The following LRMDA variants were observed in gnomAD, a reference collection of about 807,000 sequenced individuals.
The protein encoded by LRMDA is leucine rich melanocyte differentiation associated.
LRMDA carries 18 observed loss-of-function variants against 29.8 expected under a neutral mutation model. The observed-to-expected ratio is 0.60, with a 90% CI of 0.42 to 0.90. The LOEUF is 0.90. Among genes scored for constraint, LRMDA ranks in the 40% least tolerant of loss-of-function variants. The pLI, the probability that LRMDA is intolerant of heterozygous loss-of-function variation, is 0.00. For missense variants in LRMDA, 273 were observed against 273.9 expected (o/e 1.00, Z 0.02); for synonymous variants, 125 against 109.4 (o/e 1.14, Z -0.89).
chr10:76,176,246 A>G (rs1850931829), intron 5 of LRMDA, among the ~76,000 whole-genome samples: 1 of 152,200 alleles, frequency 6.6e-6, no homozygotes, highest in Non-Finnish European at 1.5e-5. Context: ...CCAGCTTGGC[A>G]TCCGGCGTCT....
chr10:76,113,921 G>A (rs1309571885), intron 5 of LRMDA, among the ~76,000 whole-genome samples: 1 of 152,196 alleles, frequency 6.6e-6, no homozygotes, highest in Non-Finnish European at 1.5e-5. Context: ...GATCGAGGTT[G>A]GTTTGCAGCA....
At chr10:76,073,535 G>A (rs1188741474) in intron 5 of LRMDA, among the ~76,000 whole-genome samples, 1 of 152,062 alleles carries the variant, frequency 6.6e-6, no homozygotes, top group Non-Finnish European at 1.5e-5. Context: ...ATAAAATACT[G>A]CTAGTTGTAT....
At chr10:76,053,038 C>T (rs578049548) in intron 4 of LRMDA, among the ~76,000 whole-genome samples, 8 of 152,256 alleles carry the variant, frequency 5.3e-5, no homozygotes, top group African/African-American at 1.9e-4. Flanking sequence ...GGGGTTTCTG[C>T]CATAAAGTGG....
intron 5 of LRMDA, among the ~76,000 whole-genome samples, chr10:76,207,972 A>G (rs1044703795): frequency 1.3e-5 from 2 of 152,056 alleles, no homozygotes; most frequent in Admixed American, 1.3e-4. Context: ...TCAAAAAAAA[A>G]AGTATGTCCA....
At chr10:75,954,606 C>A (rs1464608654) in intron 2 of LRMDA, among the ~76,000 whole-genome samples, 4 of 152,204 alleles carry the variant, frequency 2.6e-5, no homozygotes, top group Non-Finnish European at 4.4e-5. Context: ...TGGCTCCTCT[C>A]AACTGTAACC....
At chr10:75,530,248 C>T (rs1845461255) in intron 2 of LRMDA, among the ~76,000 whole-genome samples, 1 of 151,098 alleles carries the variant, frequency 6.6e-6, no homozygotes, top group African/African-American at 2.4e-5. Flanking sequence ...CAAATTTCTA[C>T]AGTGATCATA....
chr10:76,324,337 A>C, intron 5 of LRMDA, 64 bp from the exon 6 acceptor site: 1 of 1,376,558 alleles, frequency 7.3e-7, no homozygotes, highest in Non-Finnish European at 1.0e-6. Flanking sequence ...AGGTCTGGTA[A>C]ATGAGGGTAT....
chr10:76,199,303 T>G (rs927295175), intron 5 of LRMDA, among the ~76,000 whole-genome samples: 1 of 152,182 alleles, frequency 6.6e-6, no homozygotes, highest in Non-Finnish European at 1.5e-5. Flanking sequence ...GTTTCTTGAG[T>G]GATACCATGG....
At chr10:76,487,021 C>T (rs1213382444) in intron 6 of LRMDA, among the ~76,000 whole-genome samples, 1 of 152,028 alleles carries the variant, frequency 6.6e-6, no homozygotes, top group East Asian at 2.0e-4. Context: ...AGATTAAGGG[C>T]AATCTACTCT....
At chr10:76,208,366 AT>A (rs2132242062) in intron 5 of LRMDA, among the ~76,000 whole-genome samples, 1 of 152,330 alleles carries the variant, frequency 6.6e-6, no homozygotes, top group Admixed American at 6.5e-5. Context: ...ACTCTGCTCC[AT>A]TTTAAAGAAA....
At chr10:75,893,295 G>A (rs762224158) in intron 2 of LRMDA, among the ~76,000 whole-genome samples, 1 of 152,092 alleles carries the variant, frequency 6.6e-6, no homozygotes, top group Non-Finnish European at 1.5e-5. Flanking sequence ...ATCTCCATCT[G>A]CCCTGAAATT....
At chr10:75,736,781 T>G (rs928966837) in intron 2 of LRMDA, among the ~76,000 whole-genome samples, 1 of 152,200 alleles carries the variant, frequency 6.6e-6, no homozygotes, top group Non-Finnish European at 1.5e-5. Context: ...ATTTATATTC[T>G]TGATAGGATT....
At chr10:75,510,761 T>C (rs1342259950) in intron 2 of LRMDA, among the ~76,000 whole-genome samples, 1 of 151,942 alleles carries the variant, frequency 6.6e-6, no homozygotes, top group East Asian at 1.9e-4. Context: ...GTGTTGGCCA[T>C]GGAGGCAGAA....
intron 2 of LRMDA, among the ~76,000 whole-genome samples, chr10:75,946,269 G>A (rs982466062): frequency 6.6e-6 from 1 of 152,168 alleles, no homozygotes; most frequent in Non-Finnish European, 1.5e-5. Flanking sequence ...TTATGTTTAA[G>A]GTTACCAATT....
At chr10:76,468,493 C>A (rs1019227893) in intron 6 of LRMDA, among the ~76,000 whole-genome samples, 1 of 152,082 alleles carries the variant, frequency 6.6e-6, no homozygotes, top group Non-Finnish European at 1.5e-5. Context: ...ACAGAGTAGA[C>A]TGGGCTCTTT....
chr10:76,183,315 A>G (rs976037857), intron 5 of LRMDA, among the ~76,000 whole-genome samples: 1 of 152,240 alleles, frequency 6.6e-6, no homozygotes, highest in Non-Finnish European at 1.5e-5. Flanking sequence ...ATCAAAAATA[A>G]TGATAAGATT....
At chr10:76,355,346 C>T (rs10824409) in intron 6 of LRMDA, among the ~76,000 whole-genome samples, 45,412 of 151,864 alleles carry the variant, frequency 0.3, 8,744 homozygotes, top group Non-Finnish European at 0.43. Flanking sequence ...CAGAACTCTC[C>T]GTTAAAGAAA....
chr10:75,485,633 A>G (rs962978232), intron 2 of LRMDA, among the ~76,000 whole-genome samples: 2 of 151,888 alleles, frequency 1.3e-5, no homozygotes, highest in Non-Finnish European at 2.9e-5. Flanking sequence ...CCCAGGCTGG[A>G]GTGCAGCGAT....
intron 2 of LRMDA, among the ~76,000 whole-genome samples, chr10:75,972,511 A>G (rs556486677): frequency 6.6e-6 from 1 of 152,310 alleles, no homozygotes; most frequent in South Asian, 2.1e-4. Flanking sequence ...TCTCTCTGCA[A>G]CTGTGACAGG....
Sources: gnomAD v4.1 joint callset for allele counts (sites outside exome capture counted in the v4.1 genomes callset) on GRCh38, gnomAD v4.1.1 for gene constraint, MANE v1.5 for transcripts, NCBI Gene and HGNC (gene_info 2026-07-23, HGNC 2026-07-21) for gene names.